Variants in LRMDA observed in about 807,000 individuals in gnomAD.
The protein encoded by LRMDA is leucine-rich melanocyte differentiation-associated protein.
In LRMDA, 18 loss-of-function variants were observed where a neutral mutation model predicts 29.8. The observed-to-expected ratio is 0.60, with a 90% confidence interval of 0.42 to 0.90. The LOEUF is 0.90. Among genes scored for constraint, LRMDA ranks in the 40% least tolerant of loss-of-function variants. The pLI, the probability that LRMDA is intolerant of heterozygous loss-of-function variation, is 0.00. For missense variants in LRMDA, 273 were observed against 273.9 expected, an observed-to-expected ratio of 1.00 and a Z score of 0.02; for synonymous variants, 125 against 109.4, an observed-to-expected ratio of 1.14 and a Z score of -0.89.
In LRMDA at chr10:75,807,757, C is replaced by T. The variant is rs182716428; in HGVS notation, c.132-228251C>T. 3.0e-4 allele frequency among the ~76,000 whole-genome samples: 45 copies of T among 152,040 alleles called. No individual in the cohort carries two copies. In the East Asian group the frequency reaches 7.2e-3, roughly 24 times the overall value. ...AGTATTATGGTGTTCTTTGATCTGC[C>T]GTAGATGGAAAACATAATGTACCTG... On this transcript the variant is annotated intron_variant, in intron 2 of 6. Transcript: ENST00000611255.
chr10:76,003,966 G>T lies in LRMDA; in HGVS notation c.132-32042G>T, dbSNP rs552573941. ...TCTCTAGCCCAGGTGGGGTTTTTGG[G>T]TTTCTAATGGCTCAAAACGTTTGTT... On this transcript the variant is annotated intron_variant, in intron 2 of 6. Coordinates refer to ENST00000611255, the MANE Select transcript of LRMDA (RefSeq NM_001305581.2). Among the ~76,000 whole-genome samples the T allele has an allele frequency of 1.7e-3, 259 of 152,258 alleles. 3 individuals carry two copies. Among genetic ancestry groups the T allele is most frequent in the Middle Eastern group, 3.4e-3 (1 of 294 alleles).
chr10:76,429,813 C>T (rs1471168763), intron 6 of LRMDA, among the ~76,000 whole-genome samples: 1 of 152,152 alleles, frequency 6.6e-6, no homozygotes. Context: ...TGCTGTAGGG[C>T]TCCTTGGGTT....
intron 2 of LRMDA, among the ~76,000 whole-genome samples, chr10:75,918,154 G>T (rs1055878102): frequency 6.6e-6 from 1 of 152,148 alleles, no homozygotes; most frequent in Non-Finnish European, 1.5e-5. Context: ...CAGTGTCACG[G>T]CTCACTGGGG....
At chr10:75,710,643 C>T (rs1171364152) in intron 2 of LRMDA, among the ~76,000 whole-genome samples, 1 of 152,238 alleles carries the variant, frequency 6.6e-6, no homozygotes, top group Non-Finnish European at 1.5e-5. Flanking sequence ...ATAACCAGAG[C>T]CCATCTGGGC....
At position 76,214,386 on chromosome 10, in the gene LRMDA, C is replaced by T. The variant is rs552691627; in HGVS notation, c.517-110015C>T. 2.7e-3 allele frequency among the ~76,000 whole-genome samples: 390 copies of T among 143,432 alleles called. 2 individuals carry two copies. The highest frequency in any genetic ancestry group is 0.01 in the African/African-American group (370 of 36,080). 94.1% of individuals were successfully genotyped at this position (143,432 alleles called of 152,430 possible). ...ACGGAGTCTCCTCTGTCGCCCAGGC[C>T]GGACTGCGTCCGCAGTGGCGCAATC... On this transcript the variant is annotated intron_variant, in intron 5 of 6. Transcript: ENST00000611255.
intron 2 of LRMDA, among the ~76,000 whole-genome samples, chr10:75,949,999 G>A (rs1345717395): frequency 6.6e-6 from 1 of 152,176 alleles, no homozygotes; most frequent in Non-Finnish European, 1.5e-5. Flanking sequence ...CAGTTTTGCA[G>A]GAGAGGGTCT....
At chr10:76,149,811 C>G (rs377550353) in intron 5 of LRMDA, among the ~76,000 whole-genome samples, 1 of 152,130 alleles carries the variant, frequency 6.6e-6, no homozygotes, top group East Asian at 1.9e-4. Flanking sequence ...GTGGGGAGAG[C>G]CTTTAAGCTC....
At chr10:76,379,371 T>C (rs990804964) in intron 6 of LRMDA, among the ~76,000 whole-genome samples, 1 of 152,260 alleles carries the variant, frequency 6.6e-6, no homozygotes, top group East Asian at 1.9e-4. Flanking sequence ...TTTTTGTGAT[T>C]GTTAGGAGAT....
intron 2 of LRMDA, among the ~76,000 whole-genome samples, chr10:75,987,745 T>C (rs1847285877): frequency 6.6e-6 from 1 of 152,190 alleles, no homozygotes; most frequent in South Asian, 2.1e-4. Flanking sequence ...TGGACCCTGT[T>C]GCATTTGGGG....
At chr10:76,084,780 G>C (rs1589319768) in intron 5 of LRMDA, among the ~76,000 whole-genome samples, 1 of 152,194 alleles carries the variant, frequency 6.6e-6, no homozygotes, top group South Asian at 2.1e-4. Flanking sequence ...CTTTTATGAG[G>C]ACTAACAGTG....
At chr10:76,135,700 A>G (rs565647419) in intron 5 of LRMDA, among the ~76,000 whole-genome samples, 42 of 151,756 alleles carry the variant, frequency 2.8e-4, no homozygotes, top group African/African-American at 9.9e-4. Context: ...TGACTTGTAG[A>G]TGGCATTTTT....
intron 2 of LRMDA, among the ~76,000 whole-genome samples, chr10:75,962,818 G>A (rs11001562): frequency 6.6e-6 from 1 of 152,254 alleles, no homozygotes; most frequent in Middle Eastern, 3.4e-3. Flanking sequence ...TTTTGCATAA[G>A]TGTGACTTGT....
At chr10:75,952,192 G>A (rs757261232) in intron 2 of LRMDA, among the ~76,000 whole-genome samples, 6 of 151,976 alleles carry the variant, frequency 3.9e-5, no homozygotes, top group African/African-American at 9.7e-5. Flanking sequence ...CCCCGACCCC[G>A]CCGATTGCTC....
At chr10:76,532,005 CT>C (rs927869691) in intron 6 of LRMDA, among the ~76,000 whole-genome samples, 1 of 152,074 alleles carries the variant, frequency 6.6e-6, no homozygotes, top group African/African-American at 2.4e-5. Context: ...GTCCTAAGCT[CT>C]TTTTTTGAAA....
Position 75,801,975 on chromosome 10 carries a change from C to T in LRMDA, c.132-234033C>T, listed in dbSNP as rs146379045. On this transcript the variant is annotated intron_variant, in intron 2 of 6. Transcript: ENST00000611255. ...AGCTAAGCAGCTGTGTTCCCAATCTCCTTCTTGCCTTGGCAGGGGACACAG... is the reference window on the plus strand; with the variant it reads ...AGCTAAGCAGCTGTGTTCCCAATCTTCTTCTTGCCTTGGCAGGGGACACAG... Among the ~76,000 whole-genome samples, 48 of 152,222 alleles carry T rather than the reference C, an allele frequency of 3.2e-4. No homozygotes were observed. In the Middle Eastern group the frequency reaches 0.01, roughly 33 times the overall value.
At chr10:76,168,438 C>T (rs534048221) in intron 5 of LRMDA, among the ~76,000 whole-genome samples, 159 of 152,298 alleles carry the variant, frequency 1.0e-3, no homozygotes, top group African/African-American at 3.8e-3. Flanking sequence ...CTTCTGTTTC[C>T]AGAGCTGGGC....
intron 5 of LRMDA, among the ~76,000 whole-genome samples, chr10:76,246,698 G>A (rs186063977): frequency 6.6e-6 from 1 of 152,288 alleles, no homozygotes; most frequent in Non-Finnish European, 1.5e-5. Flanking sequence ...TCATGTAAAA[G>A]CAAGAGCTTT....
intron 6 of LRMDA, among the ~76,000 whole-genome samples, chr10:76,537,329 CAT>C (rs369045526): frequency 3.3e-5 from 5 of 152,240 alleles, no homozygotes; most frequent in African/African-American, 1.2e-4. Context: ...CACACACAGT[CAT>C]ATGTGTATAT....
At chr10:76,166,254 A>T (rs1321589227) in intron 5 of LRMDA, among the ~76,000 whole-genome samples, 1 of 152,136 alleles carries the variant, frequency 6.6e-6, no homozygotes, top group African/African-American at 2.4e-5. Context: ...CCTTTTGGAC[A>T]TTTTCCCAAA....
Sources: allele counts gnomAD v4.1 joint callset (sites outside exome capture counted in the v4.1 genomes callset), GRCh38; gene constraint gnomAD v4.1.1; transcripts MANE v1.5; gene names NCBI Gene and HGNC (gene_info 2026-07-23, HGNC 2026-07-21).